The following BCLAF3 variants were observed in gnomAD, a reference collection of about 807,000 sequenced individuals.
BCLAF3 encodes the protein BCLAF1 and THRAP3 family member 3, also known as transient octamer binding factor 1.
A neutral mutation model predicts 51.2 loss-of-function variants in BCLAF3; 24 were observed. That is an observed-to-expected ratio of 0.47 (90% confidence interval 0.34 to 0.66). The LOEUF is 0.66. Among genes scored for constraint, BCLAF3 ranks in the 30% least tolerant of loss-of-function variants. The pLI is 0.01. For missense variants in BCLAF3, 465 were observed against 525.1 expected (o/e 0.89, Z 1.12); for synonymous variants, 152 against 176.6 (o/e 0.86, Z 1.10).
chrX:19,940,714 A>T (rs1381769225), intron 8 of BCLAF3, among the ~76,000 whole-genome samples: 4 of 108,355 alleles, frequency 3.7e-5, no homozygotes, highest in Admixed American at 9.9e-5. Context: ...TATTGTGAAT[A>T]ATGCCGCAAT....
chrX:19,933,100 T>C lies in BCLAF3; in HGVS notation c.1950+2709A>G, dbSNP rs772376174. Among the ~76,000 whole-genome samples, 6 of 112,135 alleles carry C rather than the reference T, an allele frequency of 5.4e-5. No individual in the cohort carries two copies. The Admixed American group carries it at 5.7e-4, about 11-fold the overall frequency. ...GGTAGGGTGTTGCTGGAGCTGCTGT[T>C]GCTTTTTAACAAGAAGACAGTTATG... On this transcript the variant is annotated intron_variant, in intron 10 of 11. Coordinates refer to ENST00000379682, the MANE Select transcript of BCLAF3 (RefSeq NM_001367774.2).
At chrX:19,966,961 T>C in intron 2 of BCLAF3, among the ~76,000 whole-genome samples, 1 of 111,326 alleles carries the variant, frequency 9.0e-6, no homozygotes, top group Middle Eastern at 4.6e-3. Flanking sequence ...GGAAGACTGC[T>C]GACAGCAAAG....
At chrX:19,946,048 C>T (rs1483076629) in intron 8 of BCLAF3, among the ~76,000 whole-genome samples, 9 of 108,955 alleles carry the variant, frequency 8.3e-5, no homozygotes, top group East Asian at 2.9e-4. Context: ...CAGGTGCGTC[C>T]GTCACCCCTT....
At chrX:19,957,124 A>C (rs2071694165) in intron 4 of BCLAF3, among the ~76,000 whole-genome samples, 1 of 111,905 alleles carries the variant, frequency 8.9e-6, no homozygotes, top group Non-Finnish European at 1.9e-5. Context: ...ACTCCCTGCC[A>C]AGGCAGAAAC....
intron 11 of BCLAF3, among the ~76,000 whole-genome samples, chrX:19,922,150 C>T (rs1385795996): frequency 1.8e-5 from 2 of 111,518 alleles, no homozygotes; most frequent in East Asian, 2.8e-4. Context: ...CTGAGGTGGG[C>T]GAATCACCTG....
chrX:19,977,086 T>G (rs1184346456), intron 1 of BCLAF3, among the ~76,000 whole-genome samples: 2 of 111,803 alleles, frequency 1.8e-5, no homozygotes, highest in African/African-American at 6.5e-5. Context: ...AAATGTAGTA[T>G]GTGTTCTGAT....
At chrX:19,934,986 C>T (rs1468589732) in intron 10 of BCLAF3, among the ~76,000 whole-genome samples, 1 of 110,798 alleles carries the variant, frequency 9.0e-6, no homozygotes, top group African/African-American at 3.3e-5. Context: ...GCATTTGAGA[C>T]CAGCCTGGCC....
chrX:19,986,300 C>A lies in BCLAF3; in HGVS notation c.-35+4608G>T, dbSNP rs577996230. On this transcript the variant is annotated intron_variant, in intron 1 of 11. Coordinates refer to ENST00000379682, the MANE Select transcript of BCLAF3 (RefSeq NM_001367774.2). ...GAAAGCTTAAATAGACCAATTTCCA[C>A]AGAAAAAAAAATTGAGAAAGTTATA... Among the ~76,000 whole-genome samples the A allele has an allele frequency of 6.3e-5, 7 of 111,221 alleles. No homozygotes were observed. The Middle Eastern group carries it at 0.014, about 222-fold the overall frequency.
intron 8 of BCLAF3, among the ~76,000 whole-genome samples, chrX:19,938,544 C>T (rs757213384): frequency 4.5e-5 from 5 of 112,081 alleles, no homozygotes; most frequent in South Asian, 3.7e-4. Context: ...TACAGGTGCA[C>T]GCCATCACAC....
intron 1 of BCLAF3, among the ~76,000 whole-genome samples, chrX:19,977,976 G>T (rs1401617579): frequency 1.8e-5 from 2 of 109,602 alleles, no homozygotes; most frequent in Non-Finnish European, 3.8e-5. Flanking sequence ...TTACAGCATG[G>T]TTTACTGAAT....
At chrX:19,948,396 T>C (rs1468712083) in intron 8 of BCLAF3, among the ~76,000 whole-genome samples, 1 of 111,862 alleles carries the variant, frequency 8.9e-6, no homozygotes, top group African/African-American at 3.2e-5. Context: ...TGCTACAACA[T>C]GGATGAGCGT....
At chrX:19,974,541 T>C (rs1037868507) in intron 1 of BCLAF3, among the ~76,000 whole-genome samples, 1 of 111,887 alleles carries the variant, frequency 8.9e-6, no homozygotes, top group East Asian at 2.8e-4. Flanking sequence ...AGAAGTATTA[T>C]TAAGAACACT....
At position 19,977,558 on chromosome X, in the gene BCLAF3, CAAAGTTGG is replaced by C. The variant is rs886823581; in HGVS notation, c.-34-7268_-34-7261del. ...GAGAGAGGTAAGGAAGCTGCAGAAG[CAAAGTTGG>C]AAGTTAGCAGAGGTTGGCTTGTGAC... is the stretch of plus-strand genomic sequence containing the variant. On this transcript the variant is annotated intron_variant, in intron 1 of 11. Transcript: ENST00000379682. 3.1e-4 allele frequency among the ~76,000 whole-genome samples: 35 copies of C among 112,123 alleles called. 1 individual carries two copies. Among genetic ancestry groups the C allele is most frequent in the Admixed American group, 2.9e-3 (31 of 10,579 alleles).
At chrX:19,948,658 C>A (rs1419995793) in intron 8 of BCLAF3, among the ~76,000 whole-genome samples, 4 of 109,101 alleles carry the variant, frequency 3.7e-5, no homozygotes, top group Admixed American at 2.9e-4. Context: ...GTGGTCCCAG[C>A]TGCTCGGGAG....
chrX:19,917,222 T>C lies in BCLAF3; in HGVS notation c.*83A>G. 3.4e-6 allele frequency: 3 copies of C among 888,875 alleles called. No individual in the cohort carries two copies. The highest frequency in any genetic ancestry group is 4.9e-6 in the Non-Finnish European group (3 of 607,710). The allele number at this position is 888,875 out of a possible 1,213,427, so 73.3% of individuals were successfully genotyped here. Reference sequence around the variant, plus strand: ...AGAAGTTACAGTATTAGTGCCTTAGTGTCACTTCTAACTCCTGACAAAAAG... The same window carrying C: ...AGAAGTTACAGTATTAGTGCCTTAGCGTCACTTCTAACTCCTGACAAAAAG... On this transcript the variant is annotated 3_prime_UTR_variant, in exon 12 of 12. Coordinates refer to ENST00000379682, the MANE Select transcript of BCLAF3 (RefSeq NM_001367774.2).
At chrX:19,920,041 C>T (rs1218309220) in intron 11 of BCLAF3, among the ~76,000 whole-genome samples, 2 of 110,722 alleles carry the variant, frequency 1.8e-5, no homozygotes, top group East Asian at 2.8e-4. Context: ...AGATGGTTTA[C>T]GCTGAGCACT....
Position 19,921,295 on chromosome X carries a change from T to G in BCLAF3, c.2107-3961A>C, listed in dbSNP as rs190334188. 5.4e-5 allele frequency among the ~76,000 whole-genome samples: 6 copies of G among 111,697 alleles called. No homozygotes were observed. In the East Asian group the frequency reaches 1.7e-3, roughly 31 times the overall value. ...GAAACAAGCGAGAAGACTCCAAAGCTTCCAAAAACAGATCAGGGATACATA... is the reference window on the plus strand; with the variant it reads ...GAAACAAGCGAGAAGACTCCAAAGCGTCCAAAAACAGATCAGGGATACATA... On this transcript the variant is annotated intron_variant, in intron 11 of 11. Transcript: ENST00000379682.
At chrX:19,983,588 G>A (rs998458334) in intron 1 of BCLAF3, among the ~76,000 whole-genome samples, 7 of 110,556 alleles carry the variant, frequency 6.3e-5, no homozygotes, top group Non-Finnish European at 1.1e-4. Context: ...GGTGGCATGC[G>A]CCTACGGTCC....
intron 11 of BCLAF3, among the ~76,000 whole-genome samples, chrX:19,924,668 C>A (rs1283280023): frequency 9.0e-6 from 1 of 111,701 alleles, no homozygotes; most frequent in African/African-American, 3.3e-5. Flanking sequence ...CTCTGGTAAG[C>A]ACCACAGCAC....
Sources: allele counts gnomAD v4.1 joint callset (sites outside exome capture counted in the v4.1 genomes callset), GRCh38; gene constraint gnomAD v4.1.1; transcripts MANE v1.5; gene names NCBI Gene and HGNC (gene_info 2026-07-23, HGNC 2026-07-21).